Variants in MBNL2 observed in about 807,000 individuals in gnomAD.
MBNL2 encodes muscleblind like splicing regulator 2.
In MBNL2, 17 loss-of-function variants were observed where a neutral mutation model predicts 41.9. That is an observed-to-expected ratio of 0.41 (90% confidence interval 0.28 to 0.61). The LOEUF (loss-of-function observed/expected upper bound fraction) is 0.61, where lower values mean the gene tolerates loss of function less well. Ranked by LOEUF, MBNL2 falls within the 20% of genes least tolerant of loss-of-function variation. The pLI is 0.35. For missense variants in MBNL2, 336 were observed against 505.6 expected, an observed-to-expected ratio of 0.66 and a Z score of 3.22; for synonymous variants, 195 against 182.9, an observed-to-expected ratio of 1.07 and a Z score of -0.53.
chr13:97,198,872 T>A, the MBNL2 span, among the ~76,000 whole-genome samples: 29 of 152,160 alleles, frequency 1.9e-4, no homozygotes, highest in Non-Finnish European at 3.5e-4. Context: ...CCTACCACCA[T>A]AATCAATAAC....
At chr13:97,282,106 C>G (rs1420971013) in intron 2 of MBNL2, among the ~76,000 whole-genome samples, 1 of 151,594 alleles carries the variant, frequency 6.6e-6, no homozygotes, top group Admixed American at 6.6e-5. Context: ...AGTCCCAGCA[C>G]TTTGGGAGGC....
the MBNL2 span, among the ~76,000 whole-genome samples, chr13:97,210,375 G>A: frequency 6.6e-6 from 1 of 152,144 alleles, no homozygotes; most frequent in Non-Finnish European, 1.5e-5. Context: ...CGGTTAGTGT[G>A]TGATGAAAGC....
the MBNL2 span, among the ~76,000 whole-genome samples, chr13:97,199,328 T>C: frequency 2.0e-5 from 3 of 152,260 alleles, no homozygotes; most frequent in East Asian, 5.8e-4. Flanking sequence ...GCCTTATTTT[T>C]TCCATAGCAG....
At chr13:97,352,114 T>G (rs1417974501) in intron 5 of MBNL2, among the ~76,000 whole-genome samples, 1 of 152,148 alleles carries the variant, frequency 6.6e-6, no homozygotes, top group African/African-American at 2.4e-5. Flanking sequence ...TGTGGCTGGT[T>G]AGATCTGTCC....
At chr13:97,171,671 A>G in the MBNL2 span, among the ~76,000 whole-genome samples, 15,054 of 152,194 alleles carry the variant, frequency 0.099, 841 homozygotes, top group South Asian at 0.17. Context: ...AGATTCCTGC[A>G]GTCAGCAAGT....
At chr13:97,202,892 A>G in the MBNL2 span, among the ~76,000 whole-genome samples, 4 of 152,208 alleles carry the variant, frequency 2.6e-5, no homozygotes, top group Non-Finnish European at 5.9e-5. Context: ...CTGGGGCTGG[A>G]CAATGTGCTG....
At chr13:97,203,241 T>A in the MBNL2 span, among the ~76,000 whole-genome samples, 1 of 152,178 alleles carries the variant, frequency 6.6e-6, no homozygotes, top group Non-Finnish European at 1.5e-5. Flanking sequence ...CATCAGAAAT[T>A]TACCAGTGCC....
At chr13:97,145,954 C>CTGCAAG in the MBNL2 span, among the ~76,000 whole-genome samples, 1 of 139,758 alleles carries the variant, frequency 7.2e-6, no homozygotes, top group Admixed American at 7.4e-5. Context: ...AGACAGGGTT[C>CTGCAAG]TACTCTTTTC....
chr13:97,368,544 CAAGATAAAG>C (rs1281018219), intron 8 of MBNL2, among the ~76,000 whole-genome samples: 2 of 151,772 alleles, frequency 1.3e-5, no homozygotes, highest in African/African-American at 4.8e-5. Flanking sequence ...GAAAAGAAGC[CAAGATAAAG>C]AAATAGTTTG....
At chr13:97,329,507 C>T (rs2060190181) in intron 2 of MBNL2, among the ~76,000 whole-genome samples, 1 of 151,852 alleles carries the variant, frequency 6.6e-6, no homozygotes, top group Non-Finnish European at 1.5e-5. Flanking sequence ...TCATGCTCCT[C>T]CCCACACCCC....
At chr13:97,274,829 A>T (rs2051851774) in intron 1 of MBNL2, among the ~76,000 whole-genome samples, 1 of 152,230 alleles carries the variant, frequency 6.6e-6, no homozygotes, top group Non-Finnish European at 1.5e-5. Context: ...TTTTTGTTGT[A>T]GCCATGTGTT....
intron 2 of MBNL2, among the ~76,000 whole-genome samples, chr13:97,312,755 G>A (rs1179745070): frequency 6.6e-6 from 1 of 151,928 alleles, no homozygotes; most frequent in Non-Finnish European, 1.5e-5. Context: ...TTCCTCTTTT[G>A]GCATTGAAAA....
intron 8 of MBNL2, among the ~76,000 whole-genome samples, chr13:97,376,497 A>G (rs1369648300): frequency 6.6e-6 from 1 of 152,238 alleles, no homozygotes; most frequent in African/African-American, 2.4e-5. Flanking sequence ...CAAGAACAAA[A>G]TGTAAGAGCT....
the MBNL2 span, among the ~76,000 whole-genome samples, chr13:97,191,336 C>A: frequency 6.7e-6 from 1 of 149,574 alleles, no homozygotes; most frequent in African/African-American, 2.5e-5. Flanking sequence ...GGGATTCAAG[C>A]TGCGAGGCAG....
intron 5 of MBNL2, among the ~76,000 whole-genome samples, chr13:97,351,258 C>A (rs143175001): frequency 6.6e-6 from 1 of 152,324 alleles, no homozygotes; most frequent in Non-Finnish European, 1.5e-5. Context: ...AATACATATA[C>A]TGTCATCCAG....
At chr13:97,294,998 T>G (rs1033190320) in intron 2 of MBNL2, among the ~76,000 whole-genome samples, 3 of 152,192 alleles carry the variant, frequency 2.0e-5, no homozygotes, top group African/African-American at 7.2e-5. Context: ...ATTGCCAGTT[T>G]GAAATGTTAT....
At chr13:97,198,161 A>C in the MBNL2 span, among the ~76,000 whole-genome samples, 11 of 152,302 alleles carry the variant, frequency 7.2e-5, no homozygotes, top group Non-Finnish European at 1.2e-4. Context: ...CAGATTCCTC[A>C]TTGATGAGAC....
chr13:97,234,995 G>A (rs1276793676), intron 1 of MBNL2, among the ~76,000 whole-genome samples: 1 of 152,112 alleles, frequency 6.6e-6, no homozygotes, highest in Non-Finnish European at 1.5e-5. Flanking sequence ...CCTCGTAGAA[G>A]GAGAAACCAG....
rs753139788 is a variant in MBNL2 at position 97,343,061 on chromosome 13, A to G, written c.385A>G (p.Ser129Gly). Residue 129 changes from serine (S) to glycine (G), a missense_variant, in exon 4 of 9, where the codon AGC (serine) becomes GGC (glycine). Coordinates refer to ENST00000679496, the MANE Select transcript of MBNL2 (RefSeq NM_001382683.1). Reference protein sequence around the residue: ...GPAIGTNTAISFAPYLAPVTP... With the variant: ...GPAIGTNTAIGFAPYLAPVTP... ...CGCGATAGGGACAAATACGGCTATTAGCTTTGCTCCTTACCTAGCACCTGT... is the reference window on the plus strand; with the variant it reads ...CGCGATAGGGACAAATACGGCTATTGGCTTTGCTCCTTACCTAGCACCTGT... The G allele has an allele frequency of 3.4e-5, 55 of 1,614,004 alleles. No homozygotes were observed. The East Asian group carries it at 1.2e-3, about 35-fold the overall frequency.
Sources: gnomAD v4.1 joint callset for allele counts (sites outside exome capture counted in the v4.1 genomes callset) on GRCh38, gnomAD v4.1.1 for gene constraint, MANE v1.5 for transcripts, NCBI Gene and HGNC (gene_info 2026-07-23, HGNC 2026-07-21) for gene names.